The following KAZN variants were observed in gnomAD, a reference collection of about 807,000 sequenced individuals.
The protein encoded by KAZN is kazrin.
Under a neutral mutation model 87.4 loss-of-function variants are expected in KAZN, and 40 were observed. The ratio of observed to expected loss-of-function variants is 0.46; its 90% CI spans 0.36 to 0.60. The LOEUF is 0.60. Ranked by LOEUF, KAZN falls within the 20% of genes least tolerant of loss-of-function variation. The probability of loss-of-function intolerance (pLI) is 0.00; values close to 1 mark genes in which losing one functional copy is unlikely to be tolerated. For synonymous variants in KAZN, 466 were observed against 458.3 expected, an observed-to-expected ratio of 1.02 and a Z score of -0.22; for missense variants, 898 against 1,073.9, an observed-to-expected ratio of 0.84 and a Z score of 2.29.
intron 1 of KAZN, among the ~76,000 whole-genome samples, chr1:14,740,582 T>A (rs1250193852): frequency 6.6e-6 from 1 of 152,116 alleles, no homozygotes; most frequent in Non-Finnish European, 1.5e-5. Flanking sequence ...ATGGTTCTCC[T>A]TCTTTAAATC....
intron 1 of KAZN, among the ~76,000 whole-genome samples, chr1:13,899,442 CCTCCAGAAATTAAT>C (rs1639163220): frequency 6.6e-6 from 1 of 152,172 alleles, no homozygotes; most frequent in African/African-American, 2.4e-5. Context: ...TCCAGACTGT[CCTCCAGAAATTAAT>C]CTCCAGAAAT....
intron 1 of KAZN, among the ~76,000 whole-genome samples, chr1:14,622,526 T>C (rs377047990): frequency 4.8e-4 from 73 of 151,634 alleles, no homozygotes; most frequent in African/African-American, 1.7e-3. Flanking sequence ...CCGTCTCTAC[T>C]AAAAATACAA....
intron 8 of KAZN, among the ~76,000 whole-genome samples, chr1:15,084,753 T>C (rs1168231525): frequency 6.6e-6 from 1 of 152,204 alleles, no homozygotes; most frequent in East Asian, 1.9e-4. Flanking sequence ...TAGAAGTTAA[T>C]GTAAATCCTC....
intron 1 of KAZN, among the ~76,000 whole-genome samples, chr1:14,056,326 C>T (rs61777746): frequency 0.14 from 21,361 of 152,202 alleles, 1,890 homozygotes; most frequent in Middle Eastern, 0.26. Context: ...AAGGGTTCTT[C>T]CATGATGAAG....
chr1:14,924,793 G>C (rs928483349), intron 1 of KAZN, among the ~76,000 whole-genome samples: 3 of 152,098 alleles, frequency 2.0e-5, no homozygotes, highest in Non-Finnish European at 4.4e-5. Context: ...GGGCTGCACC[G>C]GGGGGCCAGG....
intron 2 of KAZN, among the ~76,000 whole-genome samples, chr1:14,191,254 A>G (rs1041388855): frequency 1.3e-5 from 2 of 152,186 alleles, no homozygotes; most frequent in Admixed American, 6.5e-5. Flanking sequence ...AACAGGAGGC[A>G]GTTTGTTTTG....
intron 1 of KAZN, among the ~76,000 whole-genome samples, chr1:14,671,115 G>T (rs1325016211): frequency 3.3e-5 from 5 of 152,184 alleles, no homozygotes; most frequent in Non-Finnish European, 7.3e-5. Context: ...AGCCAGGGTG[G>T]TCAGTGAAGG....
chr1:14,218,936 C>T (rs558952692), intron 2 of KAZN, among the ~76,000 whole-genome samples: 20 of 152,076 alleles, frequency 1.3e-4, no homozygotes, highest in South Asian at 2.1e-4. Context: ...AAGACACAAC[C>T]GTACATCACA....
intron 2 of KAZN, among the ~76,000 whole-genome samples, chr1:14,248,467 A>G (rs1424692801): frequency 2.0e-5 from 3 of 152,246 alleles, no homozygotes; most frequent in Non-Finnish European, 4.4e-5. Flanking sequence ...GACAGCTCCA[A>G]TATGGTGAGA....
rs1340598003 is a variant in KAZN, at chr1:14,948,895, G to A, written c.227-11789G>A. On this transcript the variant is annotated intron_variant, in intron 1 of 14. Transcript: ENST00000376030. ...CATTAGGCCAGTCATGGTGGCTCATGCCTGTAATCCCAGCACTTTGGGAGG... is the reference window on the plus strand; with the variant it reads ...CATTAGGCCAGTCATGGTGGCTCATACCTGTAATCCCAGCACTTTGGGAGG... Among the ~76,000 whole-genome samples, 2 of 152,250 alleles carry A rather than the reference G, an allele frequency of 1.3e-5. 1 individual carries two copies. Among genetic ancestry groups the A allele is most frequent in the South Asian group, 4.1e-4 (2 of 4,820 alleles).
rs1572354263 is a variant in KAZN, at chr1:14,735,460, A to T, written c.226+136237A>T. 1.3e-5 allele frequency among the ~76,000 whole-genome samples: 2 copies of T among 152,128 alleles called. No individual in the cohort carries two copies. The highest frequency in any genetic ancestry group is 4.1e-4 in the South Asian group (2 of 4,826). ...GGCAGCCCTGCCCTGGTTTCCAGCC[A>T]CCTTGGGTGTTTAGGCTGGACCCCG... On this transcript the variant is annotated intron_variant, in intron 1 of 14. Transcript: ENST00000376030. This position sits in a 1 kb window ranked among gnomAD's most constrained non-coding sequence, Gnocchi z 4.3.
chr1:13,943,019 A>G (rs532866908), intron 1 of KAZN, among the ~76,000 whole-genome samples: 2 of 152,274 alleles, frequency 1.3e-5, no homozygotes, highest in East Asian at 3.9e-4. Context: ...CCAGAATGAG[A>G]AGAAAAAAGA....
chr1:14,893,982 T>G (rs1654996983), intron 1 of KAZN, among the ~76,000 whole-genome samples: 1 of 152,156 alleles, frequency 6.6e-6, no homozygotes, highest in Admixed American at 6.6e-5. Flanking sequence ...GAGGTGCTAG[T>G]TGATGAAGAG....
intron 1 of KAZN, among the ~76,000 whole-genome samples, chr1:13,907,171 CCT>C (rs1307601189): frequency 2.0e-5 from 3 of 152,140 alleles, no homozygotes; most frequent in Non-Finnish European, 4.4e-5. Flanking sequence ...CTGGATTTCC[CCT>C]GAGAAGGTAT....
At chr1:14,233,689 A>C (rs1214578018) in intron 2 of KAZN, among the ~76,000 whole-genome samples, 1 of 152,236 alleles carries the variant, frequency 6.6e-6, no homozygotes, top group Non-Finnish European at 1.5e-5. Context: ...ATGCAGGGAC[A>C]CTGATGCAAT....
chr1:14,457,726 C>A (rs557501494), intron 2 of KAZN, among the ~76,000 whole-genome samples: 83 of 152,190 alleles, frequency 5.5e-4, no homozygotes, highest in African/African-American at 2.0e-3. Context: ...CCCAGCTAAG[C>A]ATGGGACAGA....
chr1:14,573,740 T>A (rs891500866), intron 2 of KAZN, among the ~76,000 whole-genome samples: 6 of 152,160 alleles, frequency 3.9e-5, no homozygotes, highest in African/African-American at 1.4e-4. Flanking sequence ...AAATATGTTA[T>A]AAATCAGGCA....
rs70984301 is a variant in KAZN at position 13,936,096 on chromosome 1, G to GTTTTTTTTTTTTTTTTTTT, written c.91+42355_91+42356insTTTTTTTTTTTTTTTTTTT. Among the ~76,000 whole-genome samples the GTTTTTTTTTTTTTTTTTTT allele has an allele frequency of 3.8e-4, 32 of 84,842 alleles. 8 individuals are homozygous for GTTTTTTTTTTTTTTTTTTT. Among genetic ancestry groups the GTTTTTTTTTTTTTTTTTTT allele is most frequent in the South Asian group, 1.2e-3 (2 of 1,652 alleles). 55.7% of individuals were successfully genotyped at this position (84,842 alleles called of 152,430 possible). On this transcript the variant is annotated intron_variant, in intron 1 of 16. Coordinates refer to the KAZN transcript ENST00000636203. ...TATAGATTTAGGTGGTACAAGTGCA[G>GTTTTTTTTTTTTTTTTTTT]TTTTTTTTTTTTTTTGAGACAGAGT...
intron 8 of KAZN, among the ~76,000 whole-genome samples, chr1:15,091,258 C>A (rs369363216): frequency 6.6e-6 from 1 of 152,132 alleles, no homozygotes; most frequent in East Asian, 1.9e-4. Context: ...TATACACACA[C>A]GTGTATATAA....
Sources: gnomAD v4.1 joint callset for allele counts (sites outside exome capture counted in the v4.1 genomes callset) on GRCh38, gnomAD v4.1.1 for gene constraint, Gnocchi (gnomAD v3.1) non-coding constraint, MANE v1.5 for transcripts, NCBI Gene and HGNC (gene_info 2026-07-23, HGNC 2026-07-21) for gene names.